PKD1L1: variants seen among roughly 807,000 people sequenced by gnomAD.
The protein encoded by PKD1L1 is polycystin-1-like protein 1.
In PKD1L1, 236 loss-of-function variants were observed where a neutral mutation model predicts 323.4. That is an observed-to-expected ratio of 0.73 (90% CI 0.66 to 0.81). The LOEUF (loss-of-function observed/expected upper bound fraction) is 0.81. Ranked by LOEUF, PKD1L1 falls within the 40% of genes least tolerant of loss-of-function variation. The pLI is 0.00. For synonymous variants in PKD1L1, 1,344 were observed against 1,335.0 expected (o/e 1.01, Z -0.15); for missense variants, 3,320 against 3,508.0 (o/e 0.95, Z 1.35).
At chr7:47,859,194 T>C (rs1785971707) in intron 26 of PKD1L1, among the ~76,000 whole-genome samples, 1 of 152,180 alleles carries the variant, frequency 6.6e-6, no homozygotes, top group East Asian at 1.9e-4. Context: ...GGAAAACAAA[T>C]GGTCTCTATG....
intron 24 of PKD1L1, 91 bp from the exon 25 acceptor site, chr7:47,866,705 A>G (rs2128744089): frequency 9.2e-7 from 1 of 1,089,094 alleles, no homozygotes; most frequent in East Asian, 2.4e-5. Context: ...ATTTGTTGCA[A>G]AAATACCTCT....
intron 56 of PKD1L1, among the ~76,000 whole-genome samples, chr7:47,788,378 C>T (rs954269906): frequency 8.6e-5 from 13 of 150,424 alleles, no homozygotes; most frequent in African/African-American, 2.9e-4. Context: ...GCAACCTCCA[C>T]CTTCCAGGTT....
intron 15 of PKD1L1, 63 bp from the exon 16 acceptor site, chr7:47,890,826 G>T: frequency 6.9e-7 from 1 of 1,443,402 alleles, no homozygotes; most frequent in Non-Finnish European, 9.6e-7. Flanking sequence ...ACTACCCTGT[G>T]TCACTGCACG....
At chr7:47,894,381 A>T (rs1006424239) in intron 14 of PKD1L1, among the ~76,000 whole-genome samples, 1 of 152,206 alleles carries the variant, frequency 6.6e-6, no homozygotes. Flanking sequence ...CTCCACAGTG[A>T]ATTGTTCAGG....
chr7:47,931,514 C>T (rs1279741762), intron 5 of PKD1L1, among the ~76,000 whole-genome samples, 193 bp from the exon 6 acceptor site: 1 of 152,330 alleles, frequency 6.6e-6, no homozygotes, highest in Non-Finnish European at 1.5e-5. Flanking sequence ...TTCACACTTT[C>T]CAGCATACTA....
chr7:47,939,860 C>T (rs1787947435), intron 3 of PKD1L1, among the ~76,000 whole-genome samples: 1 of 151,392 alleles, frequency 6.6e-6, no homozygotes, highest in Non-Finnish European at 1.5e-5. Flanking sequence ...CTGAGGGCTA[C>T]CCTCCTACTT....
chr7:47,883,658 C>T (rs1023662044), intron 19 of PKD1L1, among the ~76,000 whole-genome samples: 2 of 152,156 alleles, frequency 1.3e-5, no homozygotes, highest in African/African-American at 4.8e-5. Context: ...GCACGACACA[C>T]AGGAAGGAAC....
Position 47,902,058 on chromosome 7 carries a change from A to AGAAAAGAAAAGAAAAGAAAAG in PKD1L1, c.2064+320_2064+321insCTTTTCTTTTCTTTTCTTTTC, listed in dbSNP as rs1333758124. Reference sequence around the variant, plus strand: ...GGAAAAGAAAAGAAAAGAAAAGAAAAAAAAGAAAAGAAAAGAGCTCCTTAA... The same window carrying AGAAAAGAAAAGAAAAGAAAAG: ...GGAAAAGAAAAGAAAAGAAAAGAAAAGAAAAGAAAAGAAAAGAAAAGAAAAGAAAAGAAAAGAGCTCCTTAA... On this transcript the variant is annotated intron_variant, in intron 13 of 56. Transcript: ENST00000289672. Among the ~76,000 whole-genome samples the AGAAAAGAAAAGAAAAGAAAAG allele has an allele frequency of 2.6e-4, 32 of 122,050 alleles. 1 individual carries two copies. The highest frequency in any genetic ancestry group is 7.3e-4 in the African/African-American group (26 of 35,692). The allele number at this position is 122,050 out of a possible 152,430, so 80.1% of individuals were successfully genotyped here.
chr7:47,808,512 A>C, intron 51 of PKD1L1, 125 bp from the exon 52 acceptor site: 2 of 1,174,736 alleles, frequency 1.7e-6, no homozygotes, highest in East Asian at 4.9e-5. Flanking sequence ...CTTCTGAGAA[A>C]TGCATCGCTG....
At chr7:47,790,497 AT>A (rs1461107381) in intron 56 of PKD1L1, among the ~76,000 whole-genome samples, 29 of 150,754 alleles carry the variant, frequency 1.9e-4, no homozygotes, top group Admixed American at 4.0e-4. Context: ...TACTCGGCTA[AT>A]TTTTTTGTAT....
At chr7:47,787,188 T>C (rs1247528740) in intron 56 of PKD1L1, among the ~76,000 whole-genome samples, 1 of 152,178 alleles carries the variant, frequency 6.6e-6, no homozygotes, top group Non-Finnish European at 1.5e-5. Context: ...CCAAGACCAA[T>C]GACATTCCTG....
chr7:47,818,674 T>C (rs1489753703), intron 46 of PKD1L1, among the ~76,000 whole-genome samples: 2 of 152,228 alleles, frequency 1.3e-5, no homozygotes, highest in African/African-American at 4.8e-5. Context: ...CTGTATTAGT[T>C]ACCGCAATTA....
At position 47,904,360 on chromosome 7, in the gene PKD1L1, C is replaced by T. The variant is rs1330817793; in HGVS notation, c.1931+18G>A. 3.1e-6 allele frequency: 5 copies of T among 1,613,702 alleles called. No individual in the cohort carries two copies. The highest frequency in any genetic ancestry group is 4.5e-5 in the East Asian group (2 of 44,894). On this transcript the variant is annotated intron_variant, in intron 12 of 56. Transcript: ENST00000289672. ...GCGCTGTCTGTAGAGAGCACTCCGC[C>T]GCCTTGCAGTGGCTCACCTACTGTA...
chr7:47,887,801 TG>T (rs1786716112), intron 17 of PKD1L1, among the ~76,000 whole-genome samples, 188 bp downstream of exon 17: 1 of 152,186 alleles, frequency 6.6e-6, no homozygotes, highest in Admixed American at 6.5e-5. Flanking sequence ...TCACCTCTTC[TG>T]CTGGTGCCTC....
intron 45 of PKD1L1, among the ~76,000 whole-genome samples, chr7:47,824,524 A>G (rs569612657): frequency 1.3e-5 from 2 of 152,294 alleles, no homozygotes; most frequent in South Asian, 4.1e-4. Context: ...GTCCTTAGAG[A>G]CTAGGTTTAT....
In PKD1L1 at chr7:47,842,992, G is replaced by A. The variant is rs370690957; in HGVS notation, c.5415C>T (p.Gly1805=). 4 of 1,613,662 alleles carry A rather than the reference G, an allele frequency of 2.5e-6. No homozygotes were observed. The highest frequency in any genetic ancestry group is 1.3e-5 in the African/African-American group (1 of 74,894). Residue 1805 remains glycine (G), a synonymous_variant, in exon 34 of 57, where the codon GGC becomes GGT. Coordinates refer to ENST00000289672, the MANE Select transcript of PKD1L1 (RefSeq NM_138295.5). ...AGGTCAACCTGGCCGGAGCTCGGAA[G>A]CCAGTGTCAATGACGACCGCATATA... ...HQLYAVVIDT[G]FRAPARLTSK...
intron 26 of PKD1L1, 114 bp downstream of exon 26, chr7:47,865,102 T>C: frequency 1.3e-6 from 1 of 752,008 alleles, no homozygotes; most frequent in Non-Finnish European, 2.2e-6. Flanking sequence ...GAAAATCACA[T>C]TTCTAATCTA....
At chr7:47,957,862 AATATAT>A in the PKD1L1 span, among the ~76,000 whole-genome samples, 1 of 134,698 alleles carries the variant, frequency 7.4e-6, no homozygotes, top group Non-Finnish European at 1.6e-5. Context: ...ATTAAAAAAA[AATATAT>A]ATATATATAT....
chr7:47,842,495 T>G (rs1785581837), intron 34 of PKD1L1, among the ~76,000 whole-genome samples: 1 of 152,170 alleles, frequency 6.6e-6, no homozygotes, highest in Admixed American at 6.5e-5. Flanking sequence ...TTTCTGCCCC[T>G]GCAGACCTCA....
Sources: gnomAD v4.1 joint callset for allele counts (sites outside exome capture counted in the v4.1 genomes callset) on GRCh38, gnomAD v4.1.1 for gene constraint, MANE v1.5 for transcripts, NCBI Gene and HGNC (gene_info 2026-07-23, HGNC 2026-07-21) for gene names.